The following TULP4 variants were observed in gnomAD, a reference collection of about 807,000 sequenced individuals.
TULP4 encodes the protein tubby-related protein 4.
Under a neutral mutation model 129.0 loss-of-function variants are expected in TULP4, and 16 were observed. The observed-to-expected ratio is 0.12, with a 90% CI of 0.08 to 0.19. The LOEUF (loss-of-function observed/expected upper bound fraction) is 0.19, where lower values mean the gene tolerates loss of function less well. TULP4 is among the 10% of genes least tolerant of loss of function. The pLI is 1.00. For missense variants in TULP4, 1,842 were observed against 2,059.1 expected (o/e 0.89, Z 2.04); for synonymous variants, 998 against 854.0 (o/e 1.17, Z -2.94).
chr6:158,503,102 C>G lies in TULP4; in HGVS notation c.3439C>G (p.Pro1147Ala). ...GACAGCACAGACTTCAGGGCCCAAC[C>G]CCTTAAAACTGTCCTCTCTGATGCT... ...ERTAQTSGPNPLKLSSLMLSQ... is the reference protein window; with the variant it reads ...ERTAQTSGPNALKLSSLMLSQ... The change falls in exon 13 of 14, where the codon CCC (proline) becomes GCC (alanine). Residue 1147 changes from proline to alanine, a missense_variant. Coordinates refer to ENST00000367097, the MANE Select transcript of TULP4 (RefSeq NM_020245.5). The surrounding 1 kb of genome is among the most constrained non-coding windows in gnomAD (Gnocchi z 4.3). The G allele has an allele frequency of 1.9e-6, 3 of 1,614,122 alleles. No individual in the cohort carries two copies. The highest frequency in any genetic ancestry group is 2.5e-6 in the Non-Finnish European group (3 of 1,180,002).
intron 1 of TULP4, among the ~76,000 whole-genome samples, chr6:158,294,954 G>A (rs182465219): frequency 6.6e-6 from 1 of 152,178 alleles, no homozygotes; most frequent in Admixed American, 6.5e-5. Context: ...CAAGTGATCT[G>A]CCTGTCTTGG....
intron 1 of TULP4, among the ~76,000 whole-genome samples, chr6:158,365,403 T>A (rs181853779): frequency 1.3e-3 from 192 of 145,266 alleles, no homozygotes; most frequent in East Asian, 0.01. Flanking sequence ...TTTCTAAAAA[T>A]TTTTTTTTTT....
chr6:158,501,157 T>C (rs917907374), intron 12 of TULP4, among the ~76,000 whole-genome samples: 1 of 152,218 alleles, frequency 6.6e-6, no homozygotes, highest in Non-Finnish European at 1.5e-5. Context: ...TTCTACCACA[T>C]TTTACATGGT....
chr6:158,483,338 T>G (rs573771035), intron 8 of TULP4, among the ~76,000 whole-genome samples: 1 of 152,290 alleles, frequency 6.6e-6, no homozygotes, highest in African/African-American at 2.4e-5. Flanking sequence ...TTTCTTTTTA[T>G]TGGGGGGATG....
intron 1 of TULP4, among the ~76,000 whole-genome samples, chr6:158,379,389 C>T (rs994607303): frequency 5.9e-5 from 9 of 152,186 alleles, no homozygotes; most frequent in African/African-American, 1.9e-4. Context: ...CGCTAGAGTG[C>T]TCAGTCCAGA....
chr6:158,366,425 G>A lies in TULP4; in HGVS notation c.253-46640G>A, dbSNP rs575356745. ...GAGGGCCAATCTTTTCCCTTCGAAGGCTGCAGGCTCTTGAGCTTCCTCCTG... is the reference window on the plus strand; with the variant it reads ...GAGGGCCAATCTTTTCCCTTCGAAGACTGCAGGCTCTTGAGCTTCCTCCTG... On this transcript the variant is annotated intron_variant, in intron 1 of 13. Coordinates refer to ENST00000367097, the MANE Select transcript of TULP4 (RefSeq NM_020245.5). Among the ~76,000 whole-genome samples, 33 of 152,272 alleles carry A rather than the reference G, an allele frequency of 2.2e-4. No individual in the cohort carries two copies. The South Asian group carries it at 5.8e-3, about 27-fold the overall frequency.
chr6:158,309,340 G>C (rs1446759565), upstream of TULP4, among the ~76,000 whole-genome samples: 10 of 145,208 alleles, frequency 6.9e-5, no homozygotes, highest in African/African-American at 2.5e-4. Context: ...ATGGGCAGCC[G>C]GGCAGAGACG....
At chr6:158,294,954 G>T (rs182465219) in intron 1 of TULP4, among the ~76,000 whole-genome samples, 1 of 152,060 alleles carries the variant, frequency 6.6e-6, no homozygotes, top group Non-Finnish European at 1.5e-5. Flanking sequence ...CAAGTGATCT[G>T]CCTGTCTTGG....
In TULP4 at chr6:158,508,881, T is replaced by TTG. The variant is rs1235892027; in HGVS notation, c.*2188_*2189insGT. ...AATAAAGAGGATATGATAGAAGGTT[T>TTG]TTTTTTTTTTTTTTTTTTTTTTTTG... On this transcript the variant is annotated 3_prime_UTR_variant, in exon 14 of 14. Coordinates refer to ENST00000367097, the MANE Select transcript of TULP4 (RefSeq NM_020245.5). The TTG allele has an allele frequency of 1.4e-5, 1 of 70,298 alleles. No individual in the cohort carries two copies. Among genetic ancestry groups the TTG allele is most frequent in the Non-Finnish European group, 3.0e-5 (1 of 33,838 alleles). 4.4% of individuals were successfully genotyped at this position (70,298 alleles called of 1,614,324 possible).
At chr6:158,351,461 T>G (rs1456808307) in intron 1 of TULP4, among the ~76,000 whole-genome samples, 1 of 152,146 alleles carries the variant, frequency 6.6e-6, no homozygotes, top group African/African-American at 2.4e-5. Flanking sequence ...TGAATAAGGC[T>G]TGTTGTTAAA....
Position 158,489,594 on chromosome 6 carries a change from T to G in TULP4, c.1493T>G (p.Ile498Ser). ...CTGGTTGGTGTTTTACCAGATGAAA[T>G]CTATGGGAACAGCTTGATTTCTACT... ...DPRTDSKPDEIYGNSLISTVI... is the reference protein window; with the variant it reads ...DPRTDSKPDESYGNSLISTVI... Residue 498 changes from isoleucine to serine, a missense_variant, in exon 9 of 14, where the codon ATC becomes AGC. Ile to Ser is a moderately radical substitution (Grantham distance 142, BLOSUM62 -2). Transcript: ENST00000367097. 6.2e-7 allele frequency: 1 copy of G among 1,614,140 alleles called. No homozygotes were observed. The highest frequency in any genetic ancestry group is 8.5e-7 in the Non-Finnish European group (1 of 1,180,020).
rs1779300908 is a variant in TULP4 at position 158,456,742 on chromosome 6, G to A, written c.859+4474G>A. Among the ~76,000 whole-genome samples, 4 of 151,948 alleles carry A rather than the reference G, an allele frequency of 2.6e-5. No individual in the cohort carries two copies. In the South Asian group the frequency reaches 8.3e-4, roughly 32 times the overall value. On this transcript the variant is annotated intron_variant, in intron 5 of 13. Transcript: ENST00000367097. Reference sequence around the variant, plus strand: ...CCAGCTACGTGGGAGGCCGAGGTGGGAGAATTGCTTGAACCTGGGAGGTGG... The same window carrying A: ...CCAGCTACGTGGGAGGCCGAGGTGGAAGAATTGCTTGAACCTGGGAGGTGG...
chr6:158,390,837 C>T lies in TULP4; in HGVS notation c.253-22228C>T, dbSNP rs1018961474. 2.6e-5 allele frequency among the ~76,000 whole-genome samples: 4 copies of T among 152,220 alleles called. No homozygotes were observed. In the South Asian group the frequency reaches 8.3e-4, roughly 32 times the overall value. On this transcript the variant is annotated intron_variant, in intron 1 of 13. Coordinates refer to ENST00000367097, the MANE Select transcript of TULP4 (RefSeq NM_020245.5). The stretch of plus-strand genomic sequence containing the variant: ...TAGGAATAAAGGCCAGGCACAGTGG[C>T]TCACGCCTGTAATCCCAACACTTTG...
chr6:158,358,363 T>G (rs374794584), intron 1 of TULP4, among the ~76,000 whole-genome samples: 2 of 152,248 alleles, frequency 1.3e-5, no homozygotes, highest in East Asian at 3.8e-4. Context: ...CTCACCCTAC[T>G]GAGGTATTTT....
At chr6:158,302,703 G>A (rs1779152302) in intron 1 of TULP4, among the ~76,000 whole-genome samples, 1 of 152,142 alleles carries the variant, frequency 6.6e-6, no homozygotes, top group South Asian at 2.1e-4. Flanking sequence ...ACTTGAAGAG[G>A]TTTAGTAATT....
chr6:158,435,695 TG>T (rs1045257113), intron 3 of TULP4, among the ~76,000 whole-genome samples: 4 of 152,120 alleles, frequency 2.6e-5, no homozygotes, highest in Non-Finnish European at 5.9e-5. Context: ...TCCTTCACAC[TG>T]CGACACCATC....
chr6:158,351,376 T>C (rs1160073300), intron 1 of TULP4, among the ~76,000 whole-genome samples: 3 of 152,200 alleles, frequency 2.0e-5, no homozygotes, highest in Non-Finnish European at 4.4e-5. Flanking sequence ...GCTGAGGCTG[T>C]GCAAGACTTG....
At chr6:158,494,684 T>A in intron 10 of TULP4, 69 bp from the exon 11 acceptor site, 1 of 1,409,732 alleles carries the variant, frequency 7.1e-7, no homozygotes. Context: ...TTAACATTCT[T>A]ACTGAGTGAC....
rs141200689 is a variant in TULP4 at position 158,479,927 on chromosome 6, C to G, written c.1203C>G (p.Pro401=). The change falls in exon 7 of 14, where the codon CCC becomes CCG. Residue 401 remains proline (P), a synonymous_variant. Transcript: ENST00000367097. ...EDKDVSKLTL[P]PRLCSYLSTA... ...AGGACGTCAGCAAGCTGACTCTGCCCCCCCGCCTCTGCTCCTACCTCTCCA... is the reference window on the plus strand; with the variant it reads ...AGGACGTCAGCAAGCTGACTCTGCCGCCCCGCCTCTGCTCCTACCTCTCCA... 3.6e-5 allele frequency: 58 copies of G among 1,611,128 alleles called. No individual in the cohort carries two copies. Among genetic ancestry groups the G allele is most frequent in the Non-Finnish European group, 3.1e-5 (37 of 1,179,958 alleles).
Sources: gnomAD v4.1 joint callset for allele counts (sites outside exome capture counted in the v4.1 genomes callset) on GRCh38, gnomAD v4.1.1 for gene constraint, Gnocchi (gnomAD v3.1) non-coding constraint, MANE v1.5 for transcripts, NCBI Gene and HGNC (gene_info 2026-07-23, HGNC 2026-07-21) for gene names.